DNAJB1: variants seen among roughly 807,000 people sequenced by gnomAD.
DNAJB1 encodes DnaJ heat shock protein family (Hsp40) member B1.
Under a neutral mutation model 24.0 loss-of-function variants are expected in DNAJB1, and 14 were observed. That is an observed-to-expected ratio of 0.58 (90% confidence interval 0.39 to 0.91). The LOEUF is 0.91. Ranked by LOEUF, DNAJB1 falls within the 40% of genes least tolerant of loss-of-function variation. DNAJB1 has a pLI of 0.00. For missense variants in DNAJB1, 517 were observed against 458.1 expected, an observed-to-expected ratio of 1.13 and a Z score of -1.17; for synonymous variants, 262 against 174.4, an observed-to-expected ratio of 1.50 and a Z score of -3.96.
intron 1 of DNAJB1, among the ~76,000 whole-genome samples, chr19:14,542,373 T>TTTTTTTTTTTTTTC (rs2073132772): frequency 7.7e-6 from 1 of 129,376 alleles, no homozygotes; most frequent in Non-Finnish European, 1.6e-5. Flanking sequence ...TTTTTTTTTT[T>TTTTTTTTTTTTTTC]TTTCTGAGAT....
chr19:14,534,529 C>T (rs951357228), upstream of DNAJB1, among the ~76,000 whole-genome samples: 3 of 138,604 alleles, frequency 2.2e-5, no homozygotes, highest in African/African-American at 8.1e-5. Context: ...TCCACCTCCC[C>T]GGTTCAAGCG....
At chr19:14,536,431 G>T (rs547119966) in intron 1 of DNAJB1, among the ~76,000 whole-genome samples, 1 of 151,836 alleles carries the variant, frequency 6.6e-6, no homozygotes, top group African/African-American at 2.4e-5. Flanking sequence ...CACCACGCCC[G>T]GCTAATTTTT....
chr19:14,551,294 C>T (rs113496412), upstream of DNAJB1, among the ~76,000 whole-genome samples: 4 of 151,868 alleles, frequency 2.6e-5, no homozygotes, highest in African/African-American at 9.7e-5. Flanking sequence ...AGGCTACTCT[C>T]GAACTCCTGA....
At chr19:14,538,500 C>G (rs955929861) in intron 1 of DNAJB1, among the ~76,000 whole-genome samples, 1 of 151,614 alleles carries the variant, frequency 6.6e-6, no homozygotes, top group Non-Finnish European at 1.5e-5. Context: ...CTTTTGGCAC[C>G]TGACCTCTTT....
chr19:14,524,898 C>T (rs543972705), intron 2 of DNAJB1, among the ~76,000 whole-genome samples: 1 of 149,782 alleles, frequency 6.7e-6, no homozygotes, highest in African/African-American at 2.5e-5. Context: ...AACAATCCCA[C>T]TCCCAGTGGG....
upstream of DNAJB1, among the ~76,000 whole-genome samples, chr19:14,518,640 A>T (rs1447890121): frequency 6.6e-6 from 1 of 152,028 alleles, no homozygotes; most frequent in African/African-American, 2.4e-5. Flanking sequence ...AGGTCGGAGG[A>T]GGCCCCGCCC....
rs573604086 is a variant in DNAJB1 at position 14,547,985 on chromosome 19, A to G, written c.-214+2223T>C. On this transcript the variant is annotated intron_variant, in intron 1 of 3. Coordinates refer to the DNAJB1 transcript ENST00000676982. ...TTTCTTTTTTTTTTTTTTTTTTGAG[A>G]CGGAGTCTCGCTCTGTCACCCAGGC... Among the ~76,000 whole-genome samples the G allele has an allele frequency of 2.3e-3, 269 of 118,012 alleles. 2 individuals carry two copies. The highest frequency in any genetic ancestry group is 8.6e-3 in the African/African-American group (256 of 29,824). 77.4% of individuals were successfully genotyped at this position (118,012 alleles called of 152,430 possible).
At chr19:14,519,518 C>T (rs2072338061), upstream of DNAJB1, among the ~76,000 whole-genome samples, 1 of 152,214 alleles carries the variant, frequency 6.6e-6, no homozygotes, top group East Asian at 1.9e-4. Context: ...GGAAGCGCAT[C>T]TCCCAAGGTC....
At chr19:14,558,573 C>T (rs949318426) in intron 1 of DNAJB1, among the ~76,000 whole-genome samples, 6 of 152,168 alleles carry the variant, frequency 3.9e-5, no homozygotes, top group Admixed American at 3.3e-4. Flanking sequence ...AGCCACAGGC[C>T]GGCAGAGCCA....
chr19:14,529,558 G>A, upstream of DNAJB1: 1 of 1,333,468 alleles, frequency 7.5e-7, no homozygotes, highest in Non-Finnish European at 1.1e-6. Context: ...GACGGGGCGC[G>A]CGCGGCCTGG....
In DNAJB1 at chr19:14,516,177, A is replaced by T; in HGVS notation, c.793-7T>A. The T allele has an allele frequency of 6.2e-7, 1 of 1,613,414 alleles. No individual in the cohort carries two copies. Among genetic ancestry groups the T allele is most frequent in the Non-Finnish European group, 8.5e-7 (1 of 1,179,894 alleles). On this transcript the variant is annotated splice_region_variant and splice_polypyrimidine_tract_variant and intron_variant, in intron 2 of 2. Transcript: ENST00000254322. Reference sequence around the variant, plus strand: ...CTGTGCAGCCACACAGAGCCTTGAAAAGCAAAAGGACAGCATTAGATGGAA... The same window carrying T: ...CTGTGCAGCCACACAGAGCCTTGAATAGCAAAAGGACAGCATTAGATGGAA...
In DNAJB1 at chr19:14,527,165, CTTTTTTTTTTTTTTTTTTTTT is replaced by C. The variant is rs369143149; in HGVS notation, c.-90+540_-90+560del. On this transcript the variant is annotated intron_variant, in intron 2 of 3. Transcript: ENST00000396969. ...AACTGCCACCAGAAAAATATCTCTG[CTTTTTTTTTTTTTTTTTTTTT>C]TTTTTTTTTTTTGAGACGGAGTTTC... Among the ~76,000 whole-genome samples the C allele has an allele frequency of 2.4e-4, 10 of 41,306 alleles. No homozygotes were observed. The East Asian group carries it at 8.2e-3, about 34-fold the overall frequency. The allele number at this position is 41,306 out of a possible 152,430, so 27.1% of individuals were successfully genotyped here.
rs151186891 is a variant in DNAJB1, at chr19:14,516,818, C to A, written c.440G>T (p.Gly147Val). 2 of 1,613,728 alleles carry A rather than the reference C, an allele frequency of 1.2e-6. No homozygotes were observed. The highest frequency in any genetic ancestry group is 1.7e-6 in the Non-Finnish European group (2 of 1,179,892). Residue 147 changes from glycine (G) to valine (V), a missense_variant, in exon 2 of 3, where the codon GGC (glycine) becomes GTC (valine). Gly to Val is a moderately radical substitution (Grantham distance 109). Coordinates refer to ENST00000254322, the MANE Select transcript of DNAJB1 (RefSeq NM_006145.3). ...GMGGFTNVNF[G>V]RSRSAQEPAR... ...GGGCTCTTGGGCAGAGCGGGAGCGG[C>A]CAAAGTTCACGTTGGTGAAGCCACC...
upstream of DNAJB1, among the ~76,000 whole-genome samples, chr19:14,519,663 C>G (rs1212268466): frequency 6.6e-6 from 1 of 152,142 alleles, no homozygotes; most frequent in East Asian, 1.9e-4. Flanking sequence ...GGGGCCAGGT[C>G]CTGTCTGCAC....
At chr19:14,547,910 G>A (rs1206537890) in intron 1 of DNAJB1, among the ~76,000 whole-genome samples, 1 of 148,302 alleles carries the variant, frequency 6.7e-6, no homozygotes, top group African/African-American at 2.5e-5. Flanking sequence ...TCTGGGCCTC[G>A]AGGGATCCTC....
chr19:14,559,195 A>G (rs1307609366), intron 1 of DNAJB1, among the ~76,000 whole-genome samples: 1 of 152,170 alleles, frequency 6.6e-6, no homozygotes. Flanking sequence ...GGTGAAATTC[A>G]TGTAACATGA....
intron 1 of DNAJB1, among the ~76,000 whole-genome samples, chr19:14,537,469 C>T (rs1473833949): frequency 2.0e-5 from 3 of 152,006 alleles, no homozygotes; most frequent in Non-Finnish European, 4.4e-5. Context: ...GGTTGACAGC[C>T]TTGAGTGAGG....
At chr19:14,551,967 CTCTCTT>C (rs2073536075), upstream of DNAJB1, among the ~76,000 whole-genome samples, 2 of 117,942 alleles carry the variant, frequency 1.7e-5, no homozygotes, top group African/African-American at 6.1e-5. Context: ...CTCTCTCTCT[CTCTCTT>C]TCTCTCTTTT....
chr19:14,543,414 TATATA>T (rs1240748927), intron 1 of DNAJB1, among the ~76,000 whole-genome samples: 13 of 9,804 alleles, frequency 1.3e-3, no homozygotes, highest in African/African-American at 2.0e-3. Context: ...TATATATATA[TATATA>T]TTTTTTTTTT....
Sources: gnomAD v4.1 joint callset for allele counts (sites outside exome capture counted in the v4.1 genomes callset) on GRCh38, gnomAD v4.1.1 for gene constraint, MANE v1.5 for transcripts, NCBI Gene and HGNC (gene_info 2026-07-23, HGNC 2026-07-21) for gene names.